DNAAF4: variants seen among roughly 807,000 people sequenced by gnomAD.
DNAAF4 encodes dynein assembly factor 4, axonemal.
A neutral mutation model predicts 51.8 loss-of-function variants in DNAAF4; 43 were observed. That is an observed-to-expected ratio of 0.83 (90% CI 0.65 to 1.07). The LOEUF (loss-of-function observed/expected upper bound fraction) is 1.07, where lower values mean the gene tolerates loss of function less well. Ranked by LOEUF, DNAAF4 falls within the 50% of genes least tolerant of loss-of-function variation. The pLI, the probability that DNAAF4 is intolerant of heterozygous loss-of-function variation, is 0.00. For synonymous variants in DNAAF4, 194 were observed against 165.6 expected (o/e 1.17, Z -1.32); for missense variants, 581 against 493.0 (o/e 1.18, Z -1.69).
intron 4 of DNAAF4, among the ~76,000 whole-genome samples, chr15:55,483,833 CTTTTTTTTTTTT>C (rs71105887): frequency 2.1e-3 from 174 of 82,480 alleles, no homozygotes; most frequent in Middle Eastern, 7.7e-3. Flanking sequence ...GCCAATAAAG[CTTTTTTTTTTTT>C]TTTTTTTTTT....
intron 7 of DNAAF4, chr15:55,418,189 T>C (rs780021474): frequency 4.5e-6 from 7 of 1,564,582 alleles, no homozygotes; most frequent in African/African-American, 2.8e-5. Context: ...CAGAACTTTA[T>C]AATGGAGAAT....
intron 1 of DNAAF4, among the ~76,000 whole-genome samples, chr15:55,503,516 A>T (rs1469273652): frequency 6.6e-6 from 1 of 152,192 alleles, no homozygotes; most frequent in African/African-American, 2.4e-5. Context: ...ATCGATGCAA[A>T]AATCCTCAAT....
chr15:55,427,060 GTTT>G (rs199888867), downstream of DNAAF4, among the ~76,000 whole-genome samples: 17 of 150,844 alleles, frequency 1.1e-4, no homozygotes, highest in Non-Finnish European at 2.1e-4. Context: ...GAGTTTTTTT[GTTT>G]TTTTTTGTTT....
chr15:55,418,422 C>T (rs1269676682), intron 7 of DNAAF4: 3 of 1,527,564 alleles, frequency 2.0e-6, no homozygotes, highest in Non-Finnish European at 1.8e-6. Context: ...CTACCTATTC[C>T]ACAGTTTTTC....
At chr15:55,491,700 T>TATACTATTATTATATAATAA (rs2058574650) in intron 3 of DNAAF4, among the ~76,000 whole-genome samples, 2 of 140,896 alleles carry the variant, frequency 1.4e-5, no homozygotes, top group African/African-American at 5.3e-5. Context: ...TATAATAATA[T>TATACTATTATTATATAATAA]TATATACTAT....
rs567133519 is a variant in DNAAF4 at position 55,423,457 on chromosome 15, C to T, written c.1048-5324G>A. On this transcript the variant is annotated intron_variant, in intron 7 of 7. Transcript: ENST00000448430. ...GGACTCCTGGGCTCAAGTTATCCTCCCACCTCCTCCCAAGTGCTGGGATTA... is the reference window on the plus strand; with the variant it reads ...GGACTCCTGGGCTCAAGTTATCCTCTCACCTCCTCCCAAGTGCTGGGATTA... Among the ~76,000 whole-genome samples, 5 of 152,152 alleles carry T rather than the reference C, an allele frequency of 3.3e-5. No homozygotes were observed. In the South Asian group the frequency reaches 1.0e-3, roughly 32 times the overall value.
At chr15:55,442,706 C>T in intron 6 of DNAAF4, 1 of 1,473,482 alleles carries the variant, frequency 6.8e-7, no homozygotes. Flanking sequence ...TTCTCATCAA[C>T]ACTCTGAACA....
rs562681490 is a variant in DNAAF4, at chr15:55,483,543, G to A, written c.405+7580C>T. On this transcript the variant is annotated intron_variant, in intron 4 of 9. Transcript: ENST00000321149. The stretch of plus-strand genomic sequence containing the variant: ...TAAATTATATCTCAATAAAGCTGGG[G>A]TTTGTTTTTGTTTTTGAAATGGAGT... 9.2e-4 allele frequency among the ~76,000 whole-genome samples: 140 copies of A among 152,026 alleles called. 2 individuals carry two copies. The highest frequency in any genetic ancestry group is 3.3e-3 in the African/African-American group (137 of 41,458).
intron 4 of DNAAF4, among the ~76,000 whole-genome samples, chr15:55,479,577 A>G (rs754103813): frequency 5.4e-5 from 8 of 147,678 alleles, no homozygotes; most frequent in Non-Finnish European, 1.2e-4. Flanking sequence ...ATAAGGTCTG[A>G]CTGTCTGTGG....
At chr15:55,459,001 G>A (rs1321412112) in intron 5 of DNAAF4, among the ~76,000 whole-genome samples, 3 of 151,576 alleles carry the variant, frequency 2.0e-5, no homozygotes, top group Non-Finnish European at 4.4e-5. Flanking sequence ...GCTTGAACCC[G>A]GGAGTTGGAG....
At chr15:55,443,231 T>C (rs2057742376) in intron 6 of DNAAF4, 1 of 1,608,116 alleles carries the variant, frequency 6.2e-7, no homozygotes, top group African/African-American at 1.3e-5. Context: ...TCCTTAAGAA[T>C]GACTTCCTCA....
At chr15:55,465,465 A>G (rs547629339) in intron 5 of DNAAF4, among the ~76,000 whole-genome samples, 1 of 152,132 alleles carries the variant, frequency 6.6e-6, no homozygotes, top group Admixed American at 6.6e-5. Context: ...CATAAAAAGG[A>G]ATAAAATAAT....
chr15:55,442,935 T>C, intron 6 of DNAAF4: 1 of 1,610,808 alleles, frequency 6.2e-7, no homozygotes, highest in South Asian at 1.1e-5. Flanking sequence ...GGTAAGGGAC[T>C]CCTTGAAATA....
At chr15:55,420,622 G>A (rs1228711561) in intron 7 of DNAAF4, among the ~76,000 whole-genome samples, 7 of 152,134 alleles carry the variant, frequency 4.6e-5, no homozygotes, top group African/African-American at 1.4e-4. Context: ...ATTTAGTAAT[G>A]GCACAAGCAA....
chr15:55,453,541 A>T (rs1336920140), intron 5 of DNAAF4, among the ~76,000 whole-genome samples: 2 of 150,962 alleles, frequency 1.3e-5, no homozygotes, highest in Non-Finnish European at 2.9e-5. Flanking sequence ...GTGAAAAAAA[A>T]ACAGTTCTTT....
At chr15:55,505,233 A>G in intron 1 of DNAAF4, among the ~76,000 whole-genome samples, 1 of 152,244 alleles carries the variant, frequency 6.6e-6, no homozygotes, top group East Asian at 1.9e-4. Flanking sequence ...ATCTCACACC[A>G]GTCAGAATGG....
chr15:55,460,427 G>A (rs1425550489), intron 5 of DNAAF4, among the ~76,000 whole-genome samples: 4 of 151,792 alleles, frequency 2.6e-5, no homozygotes, highest in Admixed American at 6.6e-5. Context: ...TGATCCACCC[G>A]CCTCGGCCTC....
rs1456864245 is a variant in DNAAF4, at chr15:55,470,859, T to TC, written c.406-3699_406-3698insG. ...CTATGCCTGGCGGATTTTTTTTTTT[T>TC]TTTTTTTTTTGAGACAAGGTCTTGT... On this transcript the variant is annotated intron_variant, in intron 4 of 9. Transcript: ENST00000321149. 2.0e-5 allele frequency among the ~76,000 whole-genome samples: 3 copies of TC among 147,228 alleles called. No homozygotes were observed. In the Admixed American group the frequency reaches 2.1e-4, roughly 10 times the overall value.
chr15:55,488,660 A>G (rs1372911936), intron 4 of DNAAF4, among the ~76,000 whole-genome samples: 1 of 152,236 alleles, frequency 6.6e-6, no homozygotes, highest in African/African-American at 2.4e-5. Flanking sequence ...GAGAGAAAAC[A>G]GACAATTTGT....
Sources: gnomAD v4.1 joint callset for allele counts (sites outside exome capture counted in the v4.1 genomes callset) on GRCh38, gnomAD v4.1.1 for gene constraint, MANE v1.5 for transcripts, NCBI Gene and HGNC (gene_info 2026-07-23, HGNC 2026-07-21) for gene names.